TRIM66: variants seen among roughly 807,000 people sequenced by gnomAD.
The protein encoded by TRIM66 is tripartite motif-containing protein 66.
Under a neutral mutation model 148.2 loss-of-function variants are expected in TRIM66, and 99 were observed. That is an observed-to-expected ratio of 0.67 (90% CI 0.57 to 0.79). The LOEUF (loss-of-function observed/expected upper bound fraction) is 0.79. Ranked by LOEUF, TRIM66 falls within the 30% of genes least tolerant of loss-of-function variation. The pLI, the probability that TRIM66 is intolerant of heterozygous loss-of-function variation, is 0.00. For missense variants in TRIM66, 1,666 were observed against 1,697.9 expected (o/e 0.98, Z 0.33); for synonymous variants, 616 against 635.9 (o/e 0.97, Z 0.47).
chr11:8,655,760 C>A (rs894520858), intron 6 of TRIM66, among the ~76,000 whole-genome samples: 1 of 151,248 alleles, frequency 6.6e-6, no homozygotes, highest in African/African-American at 2.4e-5. Context: ...CCAGCCTGGC[C>A]AACAGAGTGA....
intron 6 of TRIM66, among the ~76,000 whole-genome samples, chr11:8,658,214 C>T (rs1397558564): frequency 2.0e-5 from 3 of 152,214 alleles, no homozygotes; most frequent in Admixed American, 2.0e-4. Context: ...ATCTCGAAGG[C>T]TCTGCAGCAA....
intron 3 of TRIM66, among the ~76,000 whole-genome samples, chr11:8,678,902 A>C (rs746849725): frequency 1.3e-5 from 2 of 152,188 alleles, no homozygotes; most frequent in Non-Finnish European, 2.9e-5. Context: ...GGCCTGGGGC[A>C]GCAAAAAATC....
chr11:8,640,243 T>C lies in TRIM66; in HGVS notation c.2132A>G (p.Gln711Arg). ...RQPAPVQSQS[Q>R]EETLQATDEP... ...GACGCTTACCTGCAGGGTCTCCTCC[T>C]GGCTCTGGGACTGGACAGGTGCTGG... is the stretch of plus-strand genomic sequence containing the variant. The change falls in exon 14 of 25, where the codon CAG becomes CGG. Residue 711 changes from glutamine to arginine, a missense_variant. By Grantham distance (43) the Gln-to-Arg change is conservative (BLOSUM62 1). Coordinates refer to ENST00000646038, the MANE Select transcript of TRIM66 (RefSeq NM_001388022.1). 1 of 1,551,574 alleles carries C rather than the reference T, an allele frequency of 6.4e-7. No individual in the cohort carries two copies. Among genetic ancestry groups the C allele is most frequent in the African/African-American group, 1.4e-5 (1 of 73,126 alleles).
intron 6 of TRIM66, among the ~76,000 whole-genome samples, chr11:8,668,654 C>T (rs1252451600): frequency 1.3e-5 from 2 of 151,628 alleles, no homozygotes; most frequent in African/African-American, 2.4e-5. Flanking sequence ...GGTGCCATCT[C>T]GGCTCACTGC....
intron 3 of TRIM66, among the ~76,000 whole-genome samples, chr11:8,675,166 A>T (rs1592215345): frequency 6.6e-6 from 1 of 152,238 alleles, no homozygotes; most frequent in African/African-American, 2.4e-5. Flanking sequence ...TTCATTACAC[A>T]ATAACAAAAA....
upstream of TRIM66, chr11:8,682,774 G>A (rs533642388): frequency 6.2e-7 from 1 of 1,613,540 alleles, no homozygotes; most frequent in African/African-American, 1.3e-5. Flanking sequence ...TACCTCGCGA[G>A]ACTTGGCGAA....
At chr11:8,667,796 T>C (rs1248378962) in intron 6 of TRIM66, among the ~76,000 whole-genome samples, 1 of 152,250 alleles carries the variant, frequency 6.6e-6, no homozygotes, top group Non-Finnish European at 1.5e-5. Context: ...TACCACATTT[T>C]GTTTATCCAT....
At chr11:8,630,661 G>T (rs527556541) in intron 15 of TRIM66, among the ~76,000 whole-genome samples, 1 of 151,980 alleles carries the variant, frequency 6.6e-6, no homozygotes, top group South Asian at 2.1e-4. Flanking sequence ...ATCTCCTCTC[G>T]ATCCTCGTTT....
chr11:8,681,883 A>G (rs2039447594), intron 1 of TRIM66, among the ~76,000 whole-genome samples: 1 of 152,144 alleles, frequency 6.6e-6, no homozygotes, highest in African/African-American at 2.4e-5. Flanking sequence ...CAGGCGTGTT[A>G]TGTAGATTCT....
intron 6 of TRIM66, among the ~76,000 whole-genome samples, chr11:8,669,545 A>C (rs564202961): frequency 6.6e-6 from 1 of 152,024 alleles, no homozygotes; most frequent in African/African-American, 2.4e-5. Flanking sequence ...TGGGAGGTTG[A>C]CGCAGGAGAA....
Position 8,672,174 on chromosome 11 carries a change from G to C in TRIM66, c.27+74C>G. The C allele has an allele frequency of 2.6e-6, 4 of 1,532,778 alleles. No homozygotes were observed. In the South Asian group the frequency reaches 4.8e-5, roughly 18 times the overall value. The allele number at this position is 1,532,778 out of a possible 1,614,324, so 94.9% of individuals were successfully genotyped here. On this transcript the variant is annotated intron_variant, in intron 5 of 24. Transcript: ENST00000646038. Reference sequence around the variant, plus strand: ...AATCTTAGGCCAGAGGGGCCTTCGAGAACAAGGCCTCAAAAGTCCAGGCCA... The same window carrying C: ...AATCTTAGGCCAGAGGGGCCTTCGACAACAAGGCCTCAAAAGTCCAGGCCA...
rs61730185 is a variant in TRIM66, at chr11:8,645,796, A to G, written c.1049T>C (p.Ile350Thr). Reference sequence around the variant, plus strand: ...GGTTTTGCTGCAGACAGCCCAGTTGATGAAATTCTGCACATGCTCAAACTG... The same window carrying G: ...GGTTTTGCTGCAGACAGCCCAGTTGGTGAAATTCTGCACATGCTCAAACTG... ...NRQFEHVQNF[I>T]NWAVCSKTSV... is the part of the protein sequence containing the mutation. The change falls in exon 12 of 25, where the codon ATC becomes ACC. Residue 350 changes from isoleucine (I) to threonine (T), a missense_variant. Physicochemically the swap from Ile to Thr is moderately conservative, Grantham distance 89 (BLOSUM62 -1). Coordinates refer to ENST00000646038, the MANE Select transcript of TRIM66 (RefSeq NM_001388022.1). 8,690 of 1,551,786 alleles carry G rather than the reference A, an allele frequency of 5.6e-3. 220 individuals carry two copies. The African/African-American group carries it at 0.069, about 12-fold the overall frequency.
At chr11:8,652,883 G>C (rs1222150249) in intron 6 of TRIM66, among the ~76,000 whole-genome samples, 3 of 152,254 alleles carry the variant, frequency 2.0e-5, no homozygotes, top group Non-Finnish European at 2.9e-5. Flanking sequence ...TCAGACAAAT[G>C]TAAGTCCAAA....
intron 6 of TRIM66, among the ~76,000 whole-genome samples, chr11:8,653,795 A>G (rs1354161310): frequency 3.3e-5 from 5 of 151,940 alleles, no homozygotes; most frequent in South Asian, 4.1e-4. Context: ...ACCAAAAAAA[A>G]AAAGAAAAGA....
In TRIM66 at chr11:8,659,415, G is replaced by T. The variant is rs373953458; in HGVS notation, c.341-7512C>A. On this transcript the variant is annotated intron_variant, in intron 6 of 24. Coordinates refer to ENST00000646038, the MANE Select transcript of TRIM66 (RefSeq NM_001388022.1). ...GACTCATTTCAAAGAGAACTGACAG[G>T]ACACAAGCAAATTAGGATGTTGGGG... Among the ~76,000 whole-genome samples, 18 of 152,270 alleles carry T rather than the reference G, an allele frequency of 1.2e-4. No individual in the cohort carries two copies. In the South Asian group the frequency reaches 3.7e-3, roughly 32 times the overall value.
chr11:8,631,116 A>G (rs1484062432), intron 15 of TRIM66, among the ~76,000 whole-genome samples: 1 of 152,216 alleles, frequency 6.6e-6, no homozygotes, highest in Non-Finnish European at 1.5e-5. Flanking sequence ...ACACAGAGTG[A>G]TTACCTAGAT....
intron 8 of TRIM66, 111 bp downstream of exon 8, chr11:8,649,629 C>T: frequency 7.1e-7 from 1 of 1,412,032 alleles, no homozygotes. Context: ...GAGACTGTCC[C>T]TACCTTCTCC....
chr11:8,682,884 C>A, upstream of TRIM66: 1 of 1,542,540 alleles, frequency 6.5e-7, no homozygotes, highest in South Asian at 1.2e-5. Flanking sequence ...TCCCATTGCC[C>A]CTAGTCATCC....
chr11:8,674,930 A>G (rs1474393423), intron 3 of TRIM66, 47 bp from the exon 4 acceptor site: 1 of 152,222 alleles, frequency 6.6e-6, no homozygotes, highest in Non-Finnish European at 1.5e-5. Context: ...GTAATTGTGG[A>G]TATTCTTTGA....
Sources: allele counts gnomAD v4.1 joint callset (sites outside exome capture counted in the v4.1 genomes callset), GRCh38; gene constraint gnomAD v4.1.1; transcripts MANE v1.5; gene names NCBI Gene and HGNC (gene_info 2026-07-23, HGNC 2026-07-21).